Variants in ANKS1A observed in about 807,000 individuals in gnomAD.
ANKS1A encodes ankyrin repeat and sterile alpha motif domain containing 1A.
In ANKS1A, 55 loss-of-function variants were observed where a neutral mutation model predicts 120.3. The ratio of observed to expected loss-of-function variants is 0.46; its 90% CI spans 0.37 to 0.57. The LOEUF is 0.57. Among genes scored for constraint, ANKS1A ranks in the 20% least tolerant of loss-of-function variants. The pLI is 0.00. For synonymous variants in ANKS1A, 590 were observed against 604.7 expected (o/e 0.98, Z 0.36); for missense variants, 1,123 against 1,480.3 (o/e 0.76, Z 3.96).
intron 11 of ANKS1A, among the ~76,000 whole-genome samples, chr6:35,048,854 C>T (rs1281202126): frequency 2.0e-5 from 3 of 152,198 alleles, no homozygotes; most frequent in Non-Finnish European, 2.9e-5. Context: ...GAGGCTGCGG[C>T]TCAGTCGCTC....
chr6:34,938,687 C>T (rs1481233980), intron 1 of ANKS1A, among the ~76,000 whole-genome samples: 1 of 145,594 alleles, frequency 6.9e-6, no homozygotes, highest in African/African-American at 2.8e-5. Flanking sequence ...TTGAAAGAGT[C>T]TTATAAAACA....
At chr6:35,092,587 C>T (rs1043635291), downstream of ANKS1A, among the ~76,000 whole-genome samples, 17 of 152,182 alleles carry the variant, frequency 1.1e-4, no homozygotes, top group Middle Eastern at 3.2e-3. Context: ...TCCCCACATC[C>T]CTTGGCTCCC....
chr6:34,921,809 C>T (rs1025572058), intron 1 of ANKS1A, among the ~76,000 whole-genome samples: 10 of 152,166 alleles, frequency 6.6e-5, no homozygotes, highest in Admixed American at 1.3e-4. Flanking sequence ...GCGATCCTCC[C>T]ACTCAGCCTT....
At chr6:34,961,606 C>T (rs1342624562) in intron 1 of ANKS1A, among the ~76,000 whole-genome samples, 1 of 152,084 alleles carries the variant, frequency 6.6e-6, no homozygotes, top group Non-Finnish European at 1.5e-5. Flanking sequence ...GTCATGGAGG[C>T]AAAAGTTAGA....
rs767145824 is a variant in ANKS1A, at chr6:35,017,961, G to T, written c.1912G>T (p.Asp638Tyr). 139 of 1,614,120 alleles carry T rather than the reference G, an allele frequency of 8.6e-5. No individual in the cohort carries two copies. Among genetic ancestry groups the T allele is most frequent in the Non-Finnish European group, 1.1e-4 (135 of 1,180,060 alleles). ...TCTCCTGACCTGCTCACCCACAGAG[G>T]ACGCTACCATGGGGAGTCGGAGTGA... ...SDLLTCSPTE[D>Y]ATMGSRSESL... The change falls in exon 11 of 24, where the codon GAC (aspartate) becomes TAC (tyrosine). Residue 638 changes from aspartate (D) to tyrosine (Y), a missense_variant. By Grantham distance (160) the Asp-to-Tyr change is radical. This residue lies in a region of ANKS1A where 904 missense variants were observed against 1,130.4 expected (regional missense o/e 0.80). Coordinates refer to ENST00000360359, the MANE Select transcript of ANKS1A (RefSeq NM_015245.3).
chr6:35,090,870 C>T lies in ANKS1A; in HGVS notation c.*2261C>T. The T allele has an allele frequency of 1.0e-6, 1 of 985,816 alleles. No individual in the cohort carries two copies. Among genetic ancestry groups the T allele is most frequent in the South Asian group, 4.7e-5 (1 of 21,292 alleles). 61.1% of individuals were successfully genotyped at this position (985,816 alleles called of 1,614,324 possible). The stretch of plus-strand genomic sequence containing the variant: ...CAGGCTTCTTGTCCACCTCTTCTCC[C>T]CTGCCCACCAGCTGCTCAGCGCATA... On this transcript the variant is annotated 3_prime_UTR_variant, in exon 24 of 24. Transcript: ENST00000360359.
chr6:35,085,418 G>A lies in ANKS1A; in HGVS notation c.3133-348G>A, dbSNP rs1777910827. 6.6e-6 allele frequency among the ~76,000 whole-genome samples: 1 copy of A among 152,178 alleles called. No individual in the cohort carries two copies. The highest frequency in any genetic ancestry group is 6.5e-5 in the Admixed American group (1 of 15,284). On this transcript the variant is annotated intron_variant, in intron 21 of 23. Coordinates refer to ENST00000360359, the MANE Select transcript of ANKS1A (RefSeq NM_015245.3). The surrounding 1 kb of genome is among the most constrained non-coding windows in gnomAD (Gnocchi z 4.7). The stretch of plus-strand genomic sequence containing the variant: ...GGCACAGCACTCACAGACTTTGTCG[G>A]TGACACATTAAAAATAAAAGCACTA...
intron 11 of ANKS1A, among the ~76,000 whole-genome samples, chr6:35,046,889 A>G (rs1476855222): frequency 3.9e-5 from 6 of 152,196 alleles, no homozygotes; most frequent in Admixed American, 3.9e-4. Context: ...TCACTCCCAG[A>G]AAGTTCCCTA....
chr6:35,072,413 A>C (rs1777129104), intron 13 of ANKS1A, among the ~76,000 whole-genome samples: 1 of 152,258 alleles, frequency 6.6e-6, no homozygotes, highest in African/African-American at 2.4e-5. Flanking sequence ...GGAAAGTGAC[A>C]CTGATTACAG....
intron 12 of ANKS1A, among the ~76,000 whole-genome samples, chr6:35,055,357 TCTCA>T (rs1398675365): frequency 3.2e-4 from 48 of 150,424 alleles, no homozygotes; most frequent in Admixed American, 3.2e-3. Context: ...TGAGACGGAG[TCTCA>T]CTCTGTCACC....
chr6:35,067,202 T>C (rs1776818846), intron 13 of ANKS1A, among the ~76,000 whole-genome samples: 1 of 152,102 alleles, frequency 6.6e-6, no homozygotes, highest in African/African-American at 2.4e-5. Context: ...CCCTGTCCCC[T>C]CCTCTTTGCT....
intron 11 of ANKS1A, among the ~76,000 whole-genome samples, chr6:35,029,924 C>T (rs1774821552): frequency 1.3e-5 from 2 of 151,526 alleles, no homozygotes; most frequent in Admixed American, 6.6e-5. Context: ...AGGTATAAAT[C>T]TTTGTTTCTT....
At chr6:35,001,160 T>TA (rs1307811079) in intron 10 of ANKS1A, among the ~76,000 whole-genome samples, 1 of 152,238 alleles carries the variant, frequency 6.6e-6, no homozygotes, top group Non-Finnish European at 1.5e-5. Flanking sequence ...TTATCTGGTA[T>TA]AAAAATCATA....
intron 12 of ANKS1A, among the ~76,000 whole-genome samples, chr6:35,056,502 A>C (rs1402308712): frequency 2.0e-5 from 3 of 152,022 alleles, no homozygotes; most frequent in South Asian, 2.1e-4. Context: ...GTTAGCCAGG[A>C]TGGTCTCGAT....
intron 11 of ANKS1A, among the ~76,000 whole-genome samples, chr6:35,032,231 G>A (rs2127570819): frequency 6.6e-6 from 1 of 152,336 alleles, no homozygotes; most frequent in East Asian, 1.9e-4. Flanking sequence ...TGGCCATGAG[G>A]CCTCTCTGCA....
chr6:35,083,134 G>A, intron 18 of ANKS1A, 21 bp from the exon 19 acceptor site: 3 of 1,613,194 alleles, frequency 1.9e-6, no homozygotes, highest in East Asian at 2.2e-5. Flanking sequence ...TCCTAAGCCT[G>A]GCCACTGCTC....
chr6:35,071,543 C>T (rs1331165323), intron 13 of ANKS1A, among the ~76,000 whole-genome samples: 2 of 152,104 alleles, frequency 1.3e-5, no homozygotes, highest in Admixed American at 1.3e-4. Flanking sequence ...TGCCCCTACC[C>T]ATCATGGCCT....
Position 35,090,832 on chromosome 6 carries a change from C to T in ANKS1A, c.*2223C>T, listed in dbSNP as rs952648369. The T allele has an allele frequency of 1.0e-4, 100 of 985,758 alleles. No homozygotes were observed. The African/African-American group carries it at 1.7e-3, about 17-fold the overall frequency. The allele number at this position is 985,758 out of a possible 1,614,324, so 61.1% of individuals were successfully genotyped here. A position where few individuals can be genotyped will look rare whatever the true frequency, so the allele number is the denominator to read the frequency against. On this transcript the variant is annotated 3_prime_UTR_variant, in exon 24 of 24. Transcript: ENST00000360359. The stretch of plus-strand genomic sequence containing the variant: ...TGGGAGACTTCAGATGGGCTCAGTA[C>T]CTGTCCCAGCCACAGGCTTCTTGTC...
intron 11 of ANKS1A, among the ~76,000 whole-genome samples, chr6:35,033,974 C>T (rs982288381): frequency 3.3e-5 from 5 of 152,152 alleles, no homozygotes; most frequent in Admixed American, 6.5e-5. Flanking sequence ...TCGGTGGTTC[C>T]ACAAAGCAAC....
Sources: allele counts gnomAD v4.1 joint callset (sites outside exome capture counted in the v4.1 genomes callset), GRCh38; gene constraint gnomAD v4.1.1; regional missense constraint gnomAD v4.1.1; non-coding constraint Gnocchi (gnomAD v3.1); transcripts MANE v1.5; gene names NCBI Gene and HGNC (gene_info 2026-07-23, HGNC 2026-07-21).